KLC1: variants seen among roughly 807,000 people sequenced by gnomAD.
KLC1 encodes the protein kinesin light chain 1.
A neutral mutation model predicts 84.2 loss-of-function variants in KLC1; 30 were observed. The observed-to-expected ratio is 0.36, with a 90% CI of 0.27 to 0.48. KLC1 has a LOEUF of 0.48. Ranked by LOEUF, KLC1 falls within the 20% of genes least tolerant of loss-of-function variation. The probability of loss-of-function intolerance (pLI) is 0.99; values close to 1 mark genes in which losing one functional copy is unlikely to be tolerated. For missense variants in KLC1, 499 were observed against 805.4 expected, an observed-to-expected ratio of 0.62 and a Z score of 4.60; for synonymous variants, 289 against 293.3, an observed-to-expected ratio of 0.99 and a Z score of 0.15.
intron 1 of KLC1, among the ~76,000 whole-genome samples, chr14:103,652,880 A>G (rs2078567815): frequency 6.6e-6 from 1 of 152,216 alleles, no homozygotes; most frequent in South Asian, 2.1e-4. Flanking sequence ...TCCAAATTTT[A>G]AAAGGAATTC....
chr14:103,692,014 C>T (rs1219506211), intron 14 of KLC1, among the ~76,000 whole-genome samples: 1 of 152,234 alleles, frequency 6.6e-6, no homozygotes, highest in Non-Finnish European at 1.5e-5. Context: ...AAGTGATCCT[C>T]CTGCCTTGGC....
chr14:103,669,526 C>T lies in KLC1; in HGVS notation c.813C>T (p.Tyr271=). ...TTCCATTTAGGGATCAGAATAAATA[C>T]AAAGATGCAGCTAACCTACTGAATG... ...LALVYRDQNK[Y]KDAANLLNDA... The change falls in exon 6 of 17, where the codon TAC becomes TAT. Residue 271 remains tyrosine, a synonymous_variant. Coordinates refer to ENST00000334553, the MANE Select transcript of KLC1 (RefSeq NM_001394837.1). 2.5e-6 allele frequency: 4 copies of T among 1,607,758 alleles called. No homozygotes were observed. Among genetic ancestry groups the T allele is most frequent in the Non-Finnish European group, 2.6e-6 (3 of 1,174,320 alleles).
Position 103,694,674 on chromosome 14 carries a change from G to A in KLC1, c.1848+2249G>A. 1 of 985,476 alleles carries A rather than the reference G, an allele frequency of 1.0e-6. No homozygotes were observed. The highest frequency in any genetic ancestry group is 1.2e-6 in the Non-Finnish European group (1 of 829,944). The allele number at this position is 985,476 out of a possible 1,614,324, so 61.0% of individuals were successfully genotyped here. ...GCCAACTAGGCTACGGGATGGAGGG[G>A]CGGTCTGTGAAACACCAGCCATCCC... On this transcript the variant is annotated intron_variant, in intron 15 of 16. Coordinates refer to ENST00000334553, the MANE Select transcript of KLC1 (RefSeq NM_001394837.1). The surrounding 1 kb of genome is among the most constrained non-coding windows in gnomAD (Gnocchi z 4.5).
chr14:103,631,125 GGC>G (rs1297582431), intron 1 of KLC1, among the ~76,000 whole-genome samples: 1 of 151,778 alleles, frequency 6.6e-6, no homozygotes, highest in Non-Finnish European at 1.5e-5. Context: ...CTGTCGCCCG[GGC>G]TGGAGTGTAG....
chr14:103,699,523 G>T (rs780813014), intron 15 of KLC1: 2 of 1,613,434 alleles, frequency 1.2e-6, no homozygotes, highest in Non-Finnish European at 1.7e-6. Context: ...GGCGAGCCAT[G>T]CCCCGAGACA....
At position 103,692,298 on chromosome 14, in the gene KLC1, C is replaced by A. The variant is rs969798956; in HGVS notation, c.1782-61C>A. 10 of 1,478,628 alleles carry A rather than the reference C, an allele frequency of 6.8e-6. No homozygotes were observed. In the East Asian group the frequency reaches 9.8e-5, roughly 15 times the overall value. The allele number at this position is 1,478,628 out of a possible 1,614,324, so 91.6% of individuals were successfully genotyped here. A position where few individuals can be genotyped will look rare whatever the true frequency, so the allele number is the denominator to read the frequency against. ...TTGGAGGGGGCTTTGCTTGTGCTTCCTGTTGCTGGTTGACCGATGTGCTGA... is the reference window on the plus strand; with the variant it reads ...TTGGAGGGGGCTTTGCTTGTGCTTCATGTTGCTGGTTGACCGATGTGCTGA... On this transcript the variant is annotated intron_variant, in intron 14 of 16. Transcript: ENST00000334553.
intron 11 of KLC1, 126 bp downstream of exon 11, chr14:103,675,882 C>A (rs1172773722): frequency 1.4e-6 from 1 of 720,012 alleles, no homozygotes; most frequent in Admixed American, 2.6e-5. Flanking sequence ...ATGTTTTTCC[C>A]GAATTCCAAT....
chr14:103,685,792 C>G, intron 13 of KLC1: 1 of 1,226,398 alleles, frequency 8.2e-7, no homozygotes, highest in South Asian at 1.4e-5. Flanking sequence ...CCTTTCGGTG[C>G]TGCTGTCCTT....
In KLC1 at chr14:103,675,608, A is replaced by G; in HGVS notation, c.1311+7A>G. On this transcript the variant is annotated splice_region_variant and intron_variant, in intron 10 of 16. Transcript: ENST00000334553. ...AGAAAGAGAAGAATGCAAAGTAAGA[A>G]TTTATTATTTTGAGATTTTCTAAAT... 6.2e-7 allele frequency: 1 copy of G among 1,611,700 alleles called. No individual in the cohort carries two copies. The highest frequency in any genetic ancestry group is 8.5e-7 in the Non-Finnish European group (1 of 1,178,056).
chr14:103,696,356 G>A (rs2151883227), intron 15 of KLC1: 1 of 985,420 alleles, frequency 1.0e-6, no homozygotes, highest in South Asian at 4.7e-5. Flanking sequence ...TTGGTCTTGT[G>A]TTTACAGTAT....
intron 1 of KLC1, among the ~76,000 whole-genome samples, chr14:103,647,647 G>T (rs917281717): frequency 1.3e-5 from 2 of 151,970 alleles, no homozygotes; most frequent in African/African-American, 4.8e-5. Context: ...GGAAGCCAAG[G>T]TGGGCAGATC....
At chr14:103,685,075 G>T (rs2081671556) in intron 13 of KLC1, 5 of 1,544,362 alleles carry the variant, frequency 3.2e-6, no homozygotes, top group African/African-American at 2.8e-5. Flanking sequence ...CTGCCGTCTG[G>T]CGCTTCTGTC....
chr14:103,670,553 T>TAGGTG (rs2151670099), intron 7 of KLC1, among the ~76,000 whole-genome samples: 2 of 151,322 alleles, frequency 1.3e-5, no homozygotes, highest in African/African-American at 4.9e-5. Context: ...GCCAGGATGT[T>TAGGTG]CTCAATCTCT....
Position 103,687,476 on chromosome 14 carries a change from T to G in KLC1, c.1781+265T>G, listed in dbSNP as rs190074935. 182 of 174,598 alleles carry G rather than the reference T, an allele frequency of 1.0e-3. 1 individual carries two copies. The highest frequency in any genetic ancestry group is 3.6e-3 in the African/African-American group (152 of 42,528). 10.8% of individuals were successfully genotyped at this position (174,598 alleles called of 1,614,324 possible). A position where few individuals can be genotyped will look rare whatever the true frequency, so the allele number is the denominator to read the frequency against. Reference sequence around the variant, plus strand: ...AATTTTTTGATTCTGTCACATGTTCTAAGAAAGCCTTAGCAACGAAATGTG... The same window carrying G: ...AATTTTTTGATTCTGTCACATGTTCGAAGAAAGCCTTAGCAACGAAATGTG... On this transcript the variant is annotated intron_variant, in intron 14 of 16. Coordinates refer to ENST00000334553, the MANE Select transcript of KLC1 (RefSeq NM_001394837.1).
At chr14:103,682,784 A>ATTTTTT (rs34915836) in intron 13 of KLC1, 2 of 133,436 alleles carry the variant, frequency 1.5e-5, no homozygotes, top group African/African-American at 2.8e-5. Context: ...ATGTATATGT[A>ATTTTTT]TTTTTTTTTT....
intron 11 of KLC1, among the ~76,000 whole-genome samples, chr14:103,677,158 C>T (rs1222963187): frequency 6.6e-6 from 1 of 152,158 alleles, no homozygotes. Flanking sequence ...CTGTGAGAGC[C>T]GCCTCAGCCT....
At chr14:103,685,580 T>C (rs2081718290) in intron 13 of KLC1, 1 of 1,289,272 alleles carries the variant, frequency 7.8e-7, no homozygotes, top group Non-Finnish European at 1.0e-6. Flanking sequence ...ATGCAGAGCC[T>C]GTTGCCTTTC....
intron 1 of KLC1, among the ~76,000 whole-genome samples, chr14:103,642,765 T>G (rs2077588992): frequency 6.6e-6 from 1 of 151,764 alleles, no homozygotes; most frequent in Non-Finnish European, 1.5e-5. Flanking sequence ...TTTTTGGTTT[T>G]TTGGTTTTTT....
chr14:103,634,887 C>T (rs553435791), intron 1 of KLC1, among the ~76,000 whole-genome samples: 1 of 152,146 alleles, frequency 6.6e-6, no homozygotes, highest in Non-Finnish European at 1.5e-5. Flanking sequence ...GGCCTGTTGC[C>T]TGTTTCCTGA....
Sources: gnomAD v4.1 joint callset for allele counts (sites outside exome capture counted in the v4.1 genomes callset) on GRCh38, gnomAD v4.1.1 for gene constraint, Gnocchi (gnomAD v3.1) non-coding constraint, MANE v1.5 for transcripts, NCBI Gene and HGNC (gene_info 2026-07-23, HGNC 2026-07-21) for gene names.